The following ADAM32 variants were observed in gnomAD, a reference collection of about 807,000 sequenced individuals.
ADAM32 encodes disintegrin and metalloproteinase domain-containing protein 32.
ADAM32 carries 89 observed loss-of-function variants against 114.9 expected under a neutral mutation model. The observed-to-expected ratio is 0.77, with a 90% CI of 0.65 to 0.92. ADAM32 has a LOEUF of 0.92. ADAM32 is among the 40% of genes least tolerant of loss of function. The pLI is 0.00. For missense variants in ADAM32, 870 were observed against 932.8 expected, an observed-to-expected ratio of 0.93 and a Z score of 0.88; for synonymous variants, 285 against 307.5, an observed-to-expected ratio of 0.93 and a Z score of 0.77.
intron 11 of ADAM32, among the ~76,000 whole-genome samples, chr8:39,196,214 T>A (rs1325718685): frequency 1.3e-5 from 2 of 152,176 alleles, no homozygotes; most frequent in Non-Finnish European, 2.9e-5. Flanking sequence ...TTACTGAATT[T>A]GTTGATCAGT....
chr8:39,160,409 A>G (rs1385570435), intron 6 of ADAM32, among the ~76,000 whole-genome samples: 1 of 152,028 alleles, frequency 6.6e-6, no homozygotes, highest in African/African-American at 2.4e-5. Flanking sequence ...GCGTGGTGGC[A>G]GGCGCCTGTA....
At chr8:39,258,030 A>G (rs937950305) in intron 19 of ADAM32, among the ~76,000 whole-genome samples, 1 of 152,068 alleles carries the variant, frequency 6.6e-6, no homozygotes, top group Non-Finnish European at 1.5e-5. Flanking sequence ...GGCATTATCC[A>G]TATCCCATAA....
intron 3 of ADAM32, among the ~76,000 whole-genome samples, chr8:39,142,014 CCTT>C (rs1326778293): frequency 1.3e-5 from 2 of 152,024 alleles, no homozygotes; most frequent in African/African-American, 4.8e-5. Flanking sequence ...GATTGCAACC[CCTT>C]CTTTTTCTTT....
intron 19 of ADAM32, among the ~76,000 whole-genome samples, chr8:39,260,255 G>C (rs1027432118): frequency 1.3e-5 from 2 of 152,018 alleles, no homozygotes; most frequent in Non-Finnish European, 2.9e-5. Context: ...TTACGTATAA[G>C]GTCATGTCAT....
At chr8:39,149,639 G>T (rs979120520) in intron 4 of ADAM32, among the ~76,000 whole-genome samples, 152 bp from the exon 5 acceptor site, 1 of 152,124 alleles carries the variant, frequency 6.6e-6, no homozygotes, top group South Asian at 2.1e-4. Flanking sequence ...ATTATGGGGA[G>T]AATTTTTTTC....
chr8:39,233,889 A>G lies in ADAM32; in HGVS notation c.1635-10A>G. The G allele has an allele frequency of 6.9e-7, 1 of 1,442,602 alleles. No individual in the cohort carries two copies. The highest frequency in any genetic ancestry group is 9.2e-7 in the Non-Finnish European group (1 of 1,086,948). The allele number at this position is 1,442,602 out of a possible 1,614,324, so 89.4% of individuals were successfully genotyped here. A position where few individuals can be genotyped will look rare whatever the true frequency, so the allele number is the denominator to read the frequency against. On this transcript the variant is annotated splice_polypyrimidine_tract_variant and intron_variant, in intron 15 of 24. Coordinates refer to ENST00000379907, the MANE Select transcript of ADAM32 (RefSeq NM_145004.7). ...TGTATAATAATCATATATATTTTTT[A>G]TGTTTTCAGGAATCTTATATGTGGA... is the stretch of plus-strand genomic sequence containing the variant.
intron 10 of ADAM32, among the ~76,000 whole-genome samples, chr8:39,172,006 TTAAA>T (rs1416799947): frequency 6.6e-5 from 10 of 151,288 alleles, no homozygotes; most frequent in Middle Eastern, 3.5e-3. Flanking sequence ...GATGTAAGAA[TTAAA>T]TAAATAAACA....
At chr8:39,247,486 CTA>C (rs1491208269) in intron 17 of ADAM32, among the ~76,000 whole-genome samples, 2 of 151,630 alleles carry the variant, frequency 1.3e-5, no homozygotes, top group Non-Finnish European at 2.9e-5. Flanking sequence ...TATTTTCCAT[CTA>C]TTTTTTTTTG....
chr8:39,237,331 A>G (rs1258051629), intron 16 of ADAM32, among the ~76,000 whole-genome samples: 1 of 152,112 alleles, frequency 6.6e-6, no homozygotes. Context: ...ACCTTGTAAA[A>G]ATTTTGACTT....
chr8:39,272,005 G>A lies in ADAM32; in HGVS notation c.2201+1091G>A, dbSNP rs547892582. On this transcript the variant is annotated intron_variant, in intron 20 of 24. Coordinates refer to ENST00000379907, the MANE Select transcript of ADAM32 (RefSeq NM_145004.7). Reference sequence around the variant, plus strand: ...AAAATAGCCAGGCATGGTGGCATGAGCCTGTGGTCTCAGCTACTTGGGAGG... The same window carrying A: ...AAAATAGCCAGGCATGGTGGCATGAACCTGTGGTCTCAGCTACTTGGGAGG... Among the ~76,000 whole-genome samples, 4 of 148,278 alleles carry A rather than the reference G, an allele frequency of 2.7e-5. No individual in the cohort carries two copies. In the East Asian group the frequency reaches 8.2e-4, roughly 30 times the overall value.
intron 10 of ADAM32, among the ~76,000 whole-genome samples, chr8:39,177,572 T>G (rs1805607632): frequency 6.6e-6 from 1 of 152,224 alleles, no homozygotes; most frequent in Non-Finnish European, 1.5e-5. Flanking sequence ...CTGGTTATTT[T>G]GCAGACTTTT....
At chr8:39,275,738 G>A (rs754847005) in intron 21 of ADAM32, 90 bp from the exon 22 acceptor site, 17 of 1,256,250 alleles carry the variant, frequency 1.4e-5, no homozygotes, top group Non-Finnish European at 1.9e-5. Context: ...AATTAACACA[G>A]GTTGTAAAAT....
At chr8:39,188,527 T>C (rs1806399222) in intron 11 of ADAM32, among the ~76,000 whole-genome samples, 1 of 152,060 alleles carries the variant, frequency 6.6e-6, no homozygotes, top group South Asian at 2.1e-4. Context: ...AGATTAATGA[T>C]AATAAGATGA....
Position 39,214,540 on chromosome 8 carries a change from A to G in ADAM32, c.1233+3216A>G, listed in dbSNP as rs117377149. Among the ~76,000 whole-genome samples the G allele has an allele frequency of 7.7e-3, 1,165 of 151,866 alleles. 7 individuals are homozygous for G. The highest frequency in any genetic ancestry group is 0.012 in the Non-Finnish European group (829 of 67,826). On this transcript the variant is annotated intron_variant, in intron 12 of 24. Transcript: ENST00000379907. ...GCCCACCTTTAAATCAGATTATTAGATTTTTTCCTATAGAGTTGTTTGAGC... is the reference window on the plus strand; with the variant it reads ...GCCCACCTTTAAATCAGATTATTAGGTTTTTTCCTATAGAGTTGTTTGAGC...
chr8:39,209,940 A>G (rs1198295766), intron 11 of ADAM32, among the ~76,000 whole-genome samples: 1 of 152,216 alleles, frequency 6.6e-6, no homozygotes, highest in Admixed American at 6.5e-5. Flanking sequence ...CCTGAAGCCC[A>G]TGGCCTCATA....
intron 10 of ADAM32, among the ~76,000 whole-genome samples, chr8:39,170,640 A>T (rs1483769949): frequency 6.6e-6 from 1 of 152,056 alleles, no homozygotes; most frequent in African/African-American, 2.4e-5. Context: ...ATATAGGAAC[A>T]TATAAGAAAA....
intron 10 of ADAM32, among the ~76,000 whole-genome samples, chr8:39,173,549 A>T (rs565179652): frequency 2.0e-5 from 3 of 151,496 alleles, no homozygotes; most frequent in South Asian, 4.2e-4. Context: ...TTCCTTGTAG[A>T]CTCTGTAGAT....
intron 17 of ADAM32, among the ~76,000 whole-genome samples, chr8:39,248,145 T>A (rs1811049586): frequency 6.6e-6 from 1 of 152,206 alleles, no homozygotes; most frequent in Non-Finnish European, 1.5e-5. Context: ...TTGTTCTTTT[T>A]CTTTCAATGG....
chr8:39,188,448 C>G (rs1222494332), intron 11 of ADAM32, among the ~76,000 whole-genome samples: 1 of 152,046 alleles, frequency 6.6e-6, no homozygotes, highest in Non-Finnish European at 1.5e-5. Context: ...ATTTTGGGCT[C>G]ATTGTTCATA....
Sources: gnomAD v4.1 joint callset for allele counts (sites outside exome capture counted in the v4.1 genomes callset) on GRCh38, gnomAD v4.1.1 for gene constraint, MANE v1.5 for transcripts, NCBI Gene and HGNC (gene_info 2026-07-23, HGNC 2026-07-21) for gene names.